The following PDE1C variants were observed in gnomAD, a reference collection of about 807,000 sequenced individuals.
PDE1C encodes dual specificity calcium/calmodulin-dependent 3',5'-cyclic nucleotide phosphodiesterase 1C.
In PDE1C, 62 loss-of-function variants were observed where a neutral mutation model predicts 93.1. That is an observed-to-expected ratio of 0.67 (90% CI 0.54 to 0.82). The LOEUF is 0.82. Among genes scored for constraint, PDE1C ranks in the 40% least tolerant of loss-of-function variants. PDE1C has a pLI of 0.00. For missense variants in PDE1C, 742 were observed against 884.6 expected (o/e 0.84, Z 2.04); for synonymous variants, 325 against 310.1 (o/e 1.05, Z -0.50).
At chr7:31,929,737 T>C (rs996775372) in intron 2 of PDE1C, among the ~76,000 whole-genome samples, 2 of 152,084 alleles carry the variant, frequency 1.3e-5, no homozygotes, top group African/African-American at 4.8e-5. Flanking sequence ...TTGAAACCAA[T>C]GAGAACCAAG....
the PDE1C span, among the ~76,000 whole-genome samples, chr7:31,692,210 G>A: frequency 9.2e-5 from 14 of 152,126 alleles, no homozygotes; most frequent in African/African-American, 3.4e-4. Context: ...GTGTGAGGGT[G>A]GGAGGGTTCA....
intron 6 of PDE1C, among the ~76,000 whole-genome samples, chr7:31,871,644 A>G (rs115912335): frequency 7.1e-4 from 108 of 152,166 alleles, no homozygotes; most frequent in African/African-American, 2.6e-3. Context: ...TGAAAATCAA[A>G]AGCAAAATGA....
intron 1 of PDE1C, among the ~76,000 whole-genome samples, chr7:32,068,368 G>A (rs977661029): frequency 6.6e-6 from 1 of 151,950 alleles, no homozygotes; most frequent in Non-Finnish European, 1.5e-5. Flanking sequence ...AGAGTCTTTA[G>A]CTATTTATTC....
At chr7:32,157,548 C>G (rs2893411) in intron 3 of PDE1C, among the ~76,000 whole-genome samples, 151,699 of 152,272 alleles carry the variant, frequency 1, 75,568 homozygotes, top group Middle Eastern at 1. Flanking sequence ...TGGAGCCAGC[C>G]AAAAAATATG....
At chr7:31,705,067 G>A in the PDE1C span, among the ~76,000 whole-genome samples, 6,775 of 152,162 alleles carry the variant, frequency 0.045, 533 homozygotes, top group African/African-American at 0.15. Flanking sequence ...ATTCTTAACT[G>A]TATTAATATA....
chr7:32,171,041 A>G (rs1802615521), intron 2 of PDE1C, among the ~76,000 whole-genome samples: 2 of 151,982 alleles, frequency 1.3e-5, no homozygotes, highest in African/African-American at 2.4e-5. Flanking sequence ...AGAAACCACA[A>G]CAAAGGTTCC....
chr7:31,968,055 G>A (rs1359388919), intron 2 of PDE1C, among the ~76,000 whole-genome samples: 1 of 152,132 alleles, frequency 6.6e-6, no homozygotes, highest in Non-Finnish European at 1.5e-5. Flanking sequence ...GCACAAGACA[G>A]GGATGCCCTC....
At chr7:31,987,237 G>A (rs1035132464) in intron 2 of PDE1C, among the ~76,000 whole-genome samples, 2 of 152,146 alleles carry the variant, frequency 1.3e-5, no homozygotes, top group Non-Finnish European at 2.9e-5. Context: ...CTTTGCTAAA[G>A]AAACAACCAG....
intron 1 of PDE1C, among the ~76,000 whole-genome samples, chr7:32,315,872 G>C (rs1396595769): frequency 1.3e-5 from 2 of 152,308 alleles, no homozygotes; most frequent in East Asian, 3.9e-4. Flanking sequence ...GTGCATATCT[G>C]TAATCCCAGG....
At chr7:32,424,407 C>T (rs573364611) in intron 1 of PDE1C, among the ~76,000 whole-genome samples, 98 of 152,340 alleles carry the variant, frequency 6.4e-4, no homozygotes, top group African/African-American at 2.2e-3. Flanking sequence ...TACTCTGACA[C>T]CTCCCTTCCA....
At chr7:31,879,215 A>T in intron 3 of PDE1C, 37 bp from the exon 4 acceptor site, 3 of 1,582,006 alleles carry the variant, frequency 1.9e-6, no homozygotes, top group East Asian at 4.5e-5. Flanking sequence ...ACTGAGATTA[A>T]ATCTGAAGTT....
chr7:31,719,374 G>T, the PDE1C span, among the ~76,000 whole-genome samples: 4 of 152,198 alleles, frequency 2.6e-5, no homozygotes, highest in African/African-American at 9.7e-5. Flanking sequence ...TGAGGGGAAA[G>T]GGGCTGCTAT....
chr7:32,378,039 G>A (rs888551600), intron 1 of PDE1C, among the ~76,000 whole-genome samples: 1 of 152,332 alleles, frequency 6.6e-6, no homozygotes, highest in Middle Eastern at 3.4e-3. Flanking sequence ...TTACATTTGG[G>A]AGAGCAAGTG....
At chr7:31,985,950 G>A (rs1783347457) in intron 2 of PDE1C, among the ~76,000 whole-genome samples, 1 of 152,082 alleles carries the variant, frequency 6.6e-6, no homozygotes, top group Non-Finnish European at 1.5e-5. Context: ...TGCATAACAG[G>A]TAGAATGACA....
chr7:31,851,459 A>G (rs1793337263), intron 7 of PDE1C, among the ~76,000 whole-genome samples: 1 of 152,336 alleles, frequency 6.6e-6, no homozygotes, highest in East Asian at 1.9e-4. Flanking sequence ...GTTCTGATGC[A>G]CACTAGAGTT....
chr7:32,132,319 C>A (rs932697123), intron 3 of PDE1C, among the ~76,000 whole-genome samples: 3 of 151,970 alleles, frequency 2.0e-5, no homozygotes, highest in Non-Finnish European at 4.4e-5. Context: ...AAATGGGAAG[C>A]CATTGGAAGG....
intron 3 of PDE1C, among the ~76,000 whole-genome samples, chr7:32,082,539 G>C (rs1454456318): frequency 6.6e-6 from 1 of 152,240 alleles, no homozygotes; most frequent in Non-Finnish European, 1.5e-5. Context: ...AGAACGGGCA[G>C]ACTGCCTCCT....
chr7:31,921,387 T>A (rs1802603109), intron 2 of PDE1C, among the ~76,000 whole-genome samples: 1 of 152,176 alleles, frequency 6.6e-6, no homozygotes, highest in South Asian at 2.1e-4. Context: ...AGAGAGTAAG[T>A]AAATGATGCG....
chr7:31,848,478 G>A (rs1405488055), intron 8 of PDE1C, among the ~76,000 whole-genome samples: 3 of 151,900 alleles, frequency 2.0e-5, no homozygotes, highest in Non-Finnish European at 4.4e-5. Flanking sequence ...TGAATGCACT[G>A]GTTTATTTAT....
Sources: allele counts gnomAD v4.1 joint callset (sites outside exome capture counted in the v4.1 genomes callset), GRCh38; gene constraint gnomAD v4.1.1; transcripts MANE v1.5; gene names NCBI Gene and HGNC (gene_info 2026-07-23, HGNC 2026-07-21).